The following TANC1 variants were observed in gnomAD, a reference collection of about 807,000 sequenced individuals.
TANC1 encodes the protein tetratricopeptide repeat, ankyrin repeat and coiled-coil containing 1.
TANC1 carries 77 observed loss-of-function variants against 149.7 expected under a neutral mutation model. The observed-to-expected ratio is 0.51, with a 90% CI of 0.43 to 0.62. The LOEUF (loss-of-function observed/expected upper bound fraction) is 0.62, where lower values mean the gene tolerates loss of function less well. Among genes scored for constraint, TANC1 ranks in the 20% least tolerant of loss-of-function variants. TANC1 has a pLI of 0.00. For synonymous variants in TANC1, 854 were observed against 925.0 expected (o/e 0.92, Z 1.39); for missense variants, 1,985 against 2,321.8 (o/e 0.85, Z 2.98).
rs193096086 is a variant in TANC1 at position 158,998,585 on chromosome 2, A to G, written c.-125-2495A>G. On this transcript the variant is annotated intron_variant, in intron 1 of 26. Transcript: ENST00000263635. Reference sequence around the variant, plus strand: ...TGGAGAGGATGTAGGTGATGTAGGCATGCTCCGAGGTGAGCACAGATGTGT... The same window carrying G: ...TGGAGAGGATGTAGGTGATGTAGGCGTGCTCCGAGGTGAGCACAGATGTGT... Among the ~76,000 whole-genome samples the G allele has an allele frequency of 2.5e-3, 385 of 152,352 alleles. 1 individual carries two copies. The highest frequency in any genetic ancestry group is 8.5e-3 in the African/African-American group (353 of 41,584).
intron 2 of TANC1, among the ~76,000 whole-genome samples, chr2:159,029,081 T>A (rs1161411966): frequency 6.6e-6 from 1 of 152,206 alleles, no homozygotes. Flanking sequence ...ATATACCTCA[T>A]AAGAGTGGAA....
intron 2 of TANC1, among the ~76,000 whole-genome samples, chr2:159,055,632 C>T (rs1409896440): frequency 9.9e-5 from 15 of 152,126 alleles, no homozygotes; most frequent in Admixed American, 2.0e-4. Flanking sequence ...TCATTTATTC[C>T]GACTGTGTTT....
intron 1 of TANC1, among the ~76,000 whole-genome samples, chr2:158,972,211 A>G (rs1319981212): frequency 6.6e-6 from 1 of 152,218 alleles, no homozygotes; most frequent in Non-Finnish European, 1.5e-5. Context: ...AGTAACCCAG[A>G]CAGCATTCTT....
At chr2:159,183,279 G>A (rs2056668819) in intron 14 of TANC1, among the ~76,000 whole-genome samples, 1 of 152,228 alleles carries the variant, frequency 6.6e-6, no homozygotes, top group South Asian at 2.1e-4. Flanking sequence ...GACAGAGCTG[G>A]TTTTAGTTTT....
At chr2:158,977,171 G>T (rs2033783214) in intron 1 of TANC1, among the ~76,000 whole-genome samples, 1 of 151,832 alleles carries the variant, frequency 6.6e-6, no homozygotes, top group African/African-American at 2.4e-5. Flanking sequence ...AGGGAGTCTT[G>T]CTCTGTTGCC....
chr2:159,109,928 C>T (rs191534605), intron 4 of TANC1, among the ~76,000 whole-genome samples: 2 of 152,242 alleles, frequency 1.3e-5, no homozygotes, highest in East Asian at 1.9e-4. Flanking sequence ...AAGTTCTTGA[C>T]TTAATAAAGA....
intron 2 of TANC1, among the ~76,000 whole-genome samples, chr2:159,018,043 G>C (rs1308477954): frequency 6.6e-6 from 1 of 152,170 alleles, no homozygotes; most frequent in Non-Finnish European, 1.5e-5. Flanking sequence ...ATCAAACCTC[G>C]TCAGTGTTGT....
At chr2:159,079,869 T>A (rs753700472) in intron 3 of TANC1, among the ~76,000 whole-genome samples, 2 of 152,234 alleles carry the variant, frequency 1.3e-5, no homozygotes, top group Non-Finnish European at 2.9e-5. Context: ...TTTGAAAATA[T>A]CCTTTTGCCC....
chr2:159,074,184 G>A (rs975922405), intron 3 of TANC1, among the ~76,000 whole-genome samples: 2 of 152,178 alleles, frequency 1.3e-5, no homozygotes, highest in African/African-American at 4.8e-5. Context: ...CATTGTTCTT[G>A]TCCTATGTTC....
rs35472970 is a variant in TANC1, at chr2:158,983,468, C to CAAAAAAA, written c.-126+14699_-126+14705dup. ...GGAGACAGAGCAAGACTCCGTCTCC[C>CAAAAAAA]AAAAAAAAAAAAAAAAAAACACCAA... On this transcript the variant is annotated intron_variant, in intron 1 of 26. Coordinates refer to ENST00000263635, the MANE Select transcript of TANC1 (RefSeq NM_033394.3). 1.4e-3 allele frequency among the ~76,000 whole-genome samples: 122 copies of CAAAAAAA among 88,782 alleles called. 2 individuals carry two copies. Among genetic ancestry groups the CAAAAAAA allele is most frequent in the African/African-American group, 5.0e-3 (108 of 21,710 alleles). The allele number at this position is 88,782 out of a possible 152,430, so 58.2% of individuals were successfully genotyped here.
intron 5 of TANC1, among the ~76,000 whole-genome samples, chr2:159,144,589 GCTGCT>G (rs1290352803): frequency 1.3e-5 from 2 of 152,138 alleles, no homozygotes; most frequent in Admixed American, 6.6e-5. Flanking sequence ...TGTTGGCCAG[GCTGCT>G]CTCGAACTCC....
chr2:159,018,182 C>G (rs1395380642), intron 2 of TANC1, among the ~76,000 whole-genome samples: 1 of 152,170 alleles, frequency 6.6e-6, no homozygotes, highest in African/African-American at 2.4e-5. Context: ...GAAGGAAGCA[C>G]AGCCCAACTG....
chr2:159,002,159 T>C (rs1319503389), intron 2 of TANC1, among the ~76,000 whole-genome samples: 1 of 152,182 alleles, frequency 6.6e-6, no homozygotes, highest in African/African-American at 2.4e-5. Flanking sequence ...CAGAGGATTC[T>C]TCCCAGACTG....
rs569812618 is a variant in TANC1 at position 159,110,419 on chromosome 2, C to G, written c.259+12585C>G. ...TGCTGGTTCCTTGATCTGGGACTTC[C>G]CAGCCTCCAAACTGAGAAATAAATT... On this transcript the variant is annotated intron_variant, in intron 4 of 26. Transcript: ENST00000263635. Among the ~76,000 whole-genome samples, 3 of 152,304 alleles carry G rather than the reference C, an allele frequency of 2.0e-5. No individual in the cohort carries two copies. In the South Asian group the frequency reaches 6.2e-4, roughly 32 times the overall value.
Position 159,136,002 on chromosome 2 carries a change from T to TTGTGTGTGTG in TANC1, c.260-153_260-144dup, listed in dbSNP as rs754052800. Among the ~76,000 whole-genome samples the TTGTGTGTGTG allele has an allele frequency of 5.1e-3, 552 of 107,804 alleles. 5 individuals carry two copies. Among genetic ancestry groups the TTGTGTGTGTG allele is most frequent in the African/African-American group, 6.5e-3 (204 of 31,384 alleles). 70.7% of individuals were successfully genotyped at this position (107,804 alleles called of 152,430 possible). A position where few individuals can be genotyped will look rare whatever the true frequency, so the allele number is the denominator to read the frequency against. ...ACGTTCCCTCGTCTGTACTGAAATTTTGTGTGTGTGTGTGTGTGTGTGTGT... is the reference window on the plus strand; with the variant it reads ...ACGTTCCCTCGTCTGTACTGAAATTTTGTGTGTGTGTGTGTGTGTGTGTGTGTGTGTGTGT... On this transcript the variant is annotated intron_variant, in intron 4 of 26. Coordinates refer to ENST00000263635, the MANE Select transcript of TANC1 (RefSeq NM_033394.3).
Position 159,174,991 on chromosome 2 carries a change from C to T in TANC1, c.1542C>T (p.Tyr514=), listed in dbSNP as rs1367389567. ...ACTACTGCCAGGCTGACAACACGTA[C>T]ACTTGCCTGGTGCCCGAGTTTGTGC... ...AYHYCQADNT[Y]TCLVPEFVHS... is the part of the protein sequence containing the mutation. Residue 514 remains tyrosine, a synonymous_variant, in exon 12 of 27, where the codon TAC becomes TAT. Transcript: ENST00000263635. The T allele has an allele frequency of 3.1e-6, 5 of 1,614,064 alleles. No individual in the cohort carries two copies. Among genetic ancestry groups the T allele is most frequent in the Non-Finnish European group, 4.2e-6 (5 of 1,180,046 alleles).
At position 159,042,313 on chromosome 2, in the gene TANC1, C is replaced by T. The variant is rs80066103; in HGVS notation, c.-15-23583C>T. Among the ~76,000 whole-genome samples the T allele has an allele frequency of 3.2e-3, 484 of 152,222 alleles. 4 individuals are homozygous for T. The highest frequency in any genetic ancestry group is 0.01 in the African/African-American group (435 of 41,540). ...TCCCGTTCTTTCTGGCAGTGAAGCC[C>T]GGCAGGATTGACTTGGGCAGGAGCC... is the stretch of plus-strand genomic sequence containing the variant. On this transcript the variant is annotated intron_variant, in intron 2 of 26. Transcript: ENST00000263635.
chr2:159,049,031 C>A (rs1011979757), intron 2 of TANC1, among the ~76,000 whole-genome samples: 7 of 152,176 alleles, frequency 4.6e-5, no homozygotes, highest in Admixed American at 2.0e-4. Flanking sequence ...ATTTTGTTTC[C>A]TCATAGGTCC....
At position 159,228,022 on chromosome 2, in the gene TANC1, C is replaced by CGGTG. The variant is rs1419137566; in HGVS notation, c.4050+57_4050+58insGGTG. 2.0e-5 allele frequency: 32 copies of CGGTG among 1,572,606 alleles called. 1 individual carries two copies. Among genetic ancestry groups the CGGTG allele is most frequent in the Middle Eastern group, 2.3e-4 (1 of 4,336 alleles). ...TTCCAGCAACAGAGCCCTTCTCCAGCAGTGAAGGCCAGCCCTTCTCCAGAC... is the reference window on the plus strand; with the variant it reads ...TTCCAGCAACAGAGCCCTTCTCCAGCGGTGAGTGAAGGCCAGCCCTTCTCCAGAC... On this transcript the variant is annotated intron_variant, in intron 25 of 26. Transcript: ENST00000263635.
Sources: gnomAD v4.1 joint callset for allele counts (sites outside exome capture counted in the v4.1 genomes callset) on GRCh38, gnomAD v4.1.1 for gene constraint, MANE v1.5 for transcripts, NCBI Gene and HGNC (gene_info 2026-07-23, HGNC 2026-07-21) for gene names.